The following NRXN3 variants were observed in gnomAD, a reference collection of about 807,000 sequenced individuals.
The protein encoded by NRXN3 is neurexin III.
NRXN3 carries 32 observed loss-of-function variants against 137.6 expected under a neutral mutation model. That is an observed-to-expected ratio of 0.23 (90% confidence interval 0.18 to 0.31). NRXN3 has a LOEUF of 0.31. Ranked by LOEUF, NRXN3 falls within the 10% of genes least tolerant of loss-of-function variation. The pLI is 1.00. For missense variants in NRXN3, 1,574 were observed against 2,062.5 expected (o/e 0.76, Z 4.59); for synonymous variants, 798 against 784.5 (o/e 1.02, Z -0.29).
intron 15 of NRXN3, among the ~76,000 whole-genome samples, chr14:79,152,884 G>A (rs1328971676): frequency 6.6e-6 from 1 of 152,008 alleles, no homozygotes; most frequent in African/African-American, 2.4e-5. Context: ...AAAGTGTAAT[G>A]TCAATCTCAT....
intron 15 of NRXN3, among the ~76,000 whole-genome samples, chr14:79,257,277 C>T (rs961063130): frequency 6.8e-6 from 1 of 146,076 alleles, no homozygotes; most frequent in African/African-American, 2.5e-5. Context: ...TCAGATAGTT[C>T]CTCCAGATGT....
chr14:79,505,995 A>G (rs1280988654), intron 16 of NRXN3, among the ~76,000 whole-genome samples: 1 of 152,174 alleles, frequency 6.6e-6, no homozygotes, highest in Admixed American at 6.5e-5. Flanking sequence ...AAGCTAGCTC[A>G]GGTTGTTGTC....
intron 4 of NRXN3, among the ~76,000 whole-genome samples, chr14:78,611,267 T>G (rs75181374): frequency 6.6e-6 from 1 of 152,172 alleles, no homozygotes; most frequent in Admixed American, 6.5e-5. Flanking sequence ...GCTGTCATGC[T>G]GGGGGGATTT....
chr14:78,973,983 ACT>A (rs1402813412), intron 14 of NRXN3, among the ~76,000 whole-genome samples: 8 of 152,040 alleles, frequency 5.3e-5, no homozygotes, highest in African/African-American at 1.7e-4. Flanking sequence ...ACCAATGAAG[ACT>A]CTGTCACTAT....
intron 15 of NRXN3, among the ~76,000 whole-genome samples, chr14:79,150,090 C>T (rs2059663354): frequency 1.3e-5 from 2 of 152,042 alleles, no homozygotes; most frequent in African/African-American, 2.4e-5. Flanking sequence ...GCATGTCTAA[C>T]ATGTTCCATT....
At chr14:78,674,521 T>A (rs1237555404) in intron 6 of NRXN3, among the ~76,000 whole-genome samples, 1 of 152,240 alleles carries the variant, frequency 6.6e-6, no homozygotes, top group East Asian at 1.9e-4. Context: ...GCCTAGGGCA[T>A]GTATCCAGAT....
intron 15 of NRXN3, among the ~76,000 whole-genome samples, chr14:79,395,472 A>C (rs2094988048): frequency 6.6e-6 from 1 of 152,128 alleles, no homozygotes; most frequent in Non-Finnish European, 1.5e-5. Flanking sequence ...TAAGCCTAGT[A>C]AAAGATGTTG....
intron 15 of NRXN3, among the ~76,000 whole-genome samples, chr14:79,386,176 A>G (rs551023542): frequency 2.0e-3 from 308 of 152,338 alleles, no homozygotes; most frequent in Non-Finnish European, 3.5e-3. Flanking sequence ...CCCTGTTTGC[A>G]GATGACATGA....
chr14:79,610,760 G>T (rs1041915726), intron 16 of NRXN3, among the ~76,000 whole-genome samples: 11 of 152,280 alleles, frequency 7.2e-5, no homozygotes, highest in African/African-American at 2.6e-4. Context: ...CCTTCCTTAA[G>T]AAGCAGGGCA....
intron 15 of NRXN3, among the ~76,000 whole-genome samples, chr14:79,310,863 A>C (rs1213156721): frequency 9.9e-6 from 1 of 100,892 alleles, no homozygotes; most frequent in Non-Finnish European, 1.8e-5. Context: ...TAGATAAACA[A>C]TCATGTCGTC....
chr14:78,781,661 TAA>T (rs1327746660), intron 8 of NRXN3, among the ~76,000 whole-genome samples: 3 of 152,176 alleles, frequency 2.0e-5, no homozygotes, highest in African/African-American at 7.2e-5. Context: ...TGTTAAATTC[TAA>T]AATATCAAGG....
At chr14:78,573,406 G>A (rs1013623171) in intron 4 of NRXN3, among the ~76,000 whole-genome samples, 28 of 152,212 alleles carry the variant, frequency 1.8e-4, no homozygotes, top group African/African-American at 6.8e-4. Flanking sequence ...GAACTTCCTA[G>A]AGTCTTGTTG....
intron 15 of NRXN3, among the ~76,000 whole-genome samples, chr14:79,179,127 G>A (rs372693256): frequency 5.0e-4 from 76 of 152,130 alleles, no homozygotes; most frequent in African/African-American, 1.7e-3. Flanking sequence ...ATACCTAAAA[G>A]ATGTGCTTCT....
chr14:79,475,923 G>A (rs1435545359), intron 16 of NRXN3, among the ~76,000 whole-genome samples: 1 of 152,066 alleles, frequency 6.6e-6, no homozygotes, highest in Admixed American at 6.6e-5. Flanking sequence ...AAGCTTTTTA[G>A]ATATATGAAT....
At chr14:79,216,781 C>G (rs1163656072) in intron 15 of NRXN3, among the ~76,000 whole-genome samples, 1 of 152,092 alleles carries the variant, frequency 6.6e-6, no homozygotes, top group African/African-American at 2.4e-5. Context: ...ATTATAGGGA[C>G]ATTGTGTTAT....
chr14:79,385,122 C>T (rs556914672), intron 15 of NRXN3, among the ~76,000 whole-genome samples: 1 of 151,068 alleles, frequency 6.6e-6, no homozygotes. Context: ...AGGTTAGTTA[C>T]ATATGTATAC....
intron 16 of NRXN3, among the ~76,000 whole-genome samples, chr14:79,515,121 AG>A (rs1243480958): frequency 2.7e-5 from 4 of 150,564 alleles, no homozygotes; most frequent in Non-Finnish European, 5.9e-5. Context: ...TGTTACAGGG[AG>A]GGCTCCCTGA....
intron 1 of NRXN3, among the ~76,000 whole-genome samples, chr14:78,180,655 C>T (rs565112252): frequency 4.9e-4 from 75 of 152,196 alleles, no homozygotes; most frequent in Non-Finnish European, 9.3e-4. Flanking sequence ...AGGACATAGA[C>T]ACTGGCTCAG....
chr14:79,263,975 A>G (rs1451119148), intron 15 of NRXN3, among the ~76,000 whole-genome samples: 5 of 152,220 alleles, frequency 3.3e-5, no homozygotes, highest in African/African-American at 1.2e-4. Flanking sequence ...AATTTCTTCA[A>G]TTCCAGAAAT....
Sources: gnomAD v4.1 joint callset for allele counts (sites outside exome capture counted in the v4.1 genomes callset) on GRCh38, gnomAD v4.1.1 for gene constraint, MANE v1.5 for transcripts, NCBI Gene and HGNC (gene_info 2026-07-23, HGNC 2026-07-21) for gene names.